TRIR: variants seen among roughly 807,000 people sequenced by gnomAD.
TRIR encodes telomerase RNA component interacting RNase.
Under a neutral mutation model 18.2 loss-of-function variants are expected in TRIR, and 5 were observed. The observed-to-expected ratio is 0.27, with a 90% CI of 0.14 to 0.58. The LOEUF is 0.58. TRIR is among the 20% of genes least tolerant of loss of function. TRIR has a pLI of 0.91. For missense variants in TRIR, 206 were observed against 252.8 expected (o/e 0.81, Z 1.25); for synonymous variants, 134 against 114.4 (o/e 1.17, Z -1.10).
Position 12,731,574 on chromosome 19 carries a change from G to T in TRIR, c.346-153C>A, listed in dbSNP as rs775543616. The T allele has an allele frequency of 1.0e-4, 80 of 773,968 alleles. No homozygotes were observed. The African/African-American group carries it at 1.3e-3, about 13-fold the overall frequency. 47.9% of individuals were successfully genotyped at this position (773,968 alleles called of 1,614,324 possible). A position where few individuals can be genotyped will look rare whatever the true frequency, so the allele number is the denominator to read the frequency against. On this transcript the variant is annotated intron_variant, in intron 1 of 2. Coordinates refer to ENST00000242784, the MANE Select transcript of TRIR (RefSeq NM_024038.4). This position sits in a 1 kb window ranked among gnomAD's most constrained non-coding sequence, Gnocchi z 5.1. ...CCGGCCGACCTGCGCAGCAATCAGAGAGGAGCACACGCGACTCAGCGCCTG... is the reference window on the plus strand; with the variant it reads ...CCGGCCGACCTGCGCAGCAATCAGATAGGAGCACACGCGACTCAGCGCCTG...
intron 1 of TRIR, among the ~76,000 whole-genome samples, chr19:12,732,129 AAAAAAAAAAAAAAAGAAAAG>A (rs1344962025): frequency 6.7e-6 from 1 of 150,374 alleles, no homozygotes; most frequent in African/African-American, 2.4e-5. Flanking sequence ...TGTCTCAAAA[AAAAAAAAAAAAAAAGAAAAG>A]AAAAAAAGAA....
chr19:12,731,077 A>G lies in TRIR; in HGVS notation c.424-9T>C. ...CCTTTACTTGTTAATACCTGTGGAA[A>G]GGGGATACGGGTTAGGACGGGGGTG... On this transcript the variant is annotated splice_polypyrimidine_tract_variant and intron_variant, in intron 2 of 2. Transcript: ENST00000242784. The surrounding 1 kb of genome is among the most constrained non-coding windows in gnomAD (Gnocchi z 5.1). 1 of 1,610,494 alleles carries G rather than the reference A, an allele frequency of 6.2e-7. No homozygotes were observed. Among genetic ancestry groups the G allele is most frequent in the Non-Finnish European group, 8.5e-7 (1 of 1,176,946 alleles).
intron 1 of TRIR, among the ~76,000 whole-genome samples, chr19:12,733,412 C>A (rs879523620): frequency 6.6e-6 from 1 of 152,138 alleles, no homozygotes; most frequent in African/African-American, 2.4e-5. Context: ...TTACTTAATC[C>A]AGAGTTTCTC....
chr19:12,730,923 C>T lies in TRIR; in HGVS notation c.*38G>A. On this transcript the variant is annotated 3_prime_UTR_variant, in exon 3 of 3. Transcript: ENST00000242784. ...CTGCATTAAATAGTTATGTACATCG[C>T]AGAGAGTCCCAGGCCATGGGCAGGT... is the stretch of plus-strand genomic sequence containing the variant. 6.4e-7 allele frequency: 1 copy of T among 1,561,352 alleles called. No individual in the cohort carries two copies. The highest frequency in any genetic ancestry group is 1.1e-5 in the South Asian group (1 of 90,026).
Position 12,731,124 on chromosome 19 carries a change from G to T in TRIR, c.424-56C>A. 2 of 1,447,692 alleles carry T rather than the reference G, an allele frequency of 1.4e-6. No individual in the cohort carries two copies. Among genetic ancestry groups the T allele is most frequent in the Non-Finnish European group, 1.9e-6 (2 of 1,029,184 alleles). The allele number at this position is 1,447,692 out of a possible 1,614,324, so 89.7% of individuals were successfully genotyped here. On this transcript the variant is annotated intron_variant, in intron 2 of 2. Transcript: ENST00000242784. This position sits in a 1 kb window ranked among gnomAD's most constrained non-coding sequence, Gnocchi z 5.1. ...GGTGCCAGGAACCAGGGTCAGGACT[G>T]CCCTGAGACAGGTGACCCATTCCCA...
intron 1 of TRIR, among the ~76,000 whole-genome samples, chr19:12,732,325 T>C (rs1967446480): frequency 6.6e-6 from 1 of 151,970 alleles, no homozygotes; most frequent in African/African-American, 2.4e-5. Flanking sequence ...TCTTTGAGGG[T>C]GCAGCCAAAA....
Position 12,734,677 on chromosome 19 carries a change from C to A in TRIR, c.-20G>T. On this transcript the variant is annotated 5_prime_UTR_variant, in exon 1 of 3. Coordinates refer to ENST00000242784, the MANE Select transcript of TRIR (RefSeq NM_024038.4). The surrounding 1 kb of genome is among the most constrained non-coding windows in gnomAD (Gnocchi z 4.1). ...AGCCATTTTGTCGCCAGGTGCCGCG[C>A]AAAGGACTCCGGGAAGGCCGCTCCG... is the stretch of plus-strand genomic sequence containing the variant. 1 of 1,486,862 alleles carries A rather than the reference C, an allele frequency of 6.7e-7. No homozygotes were observed. The highest frequency in any genetic ancestry group is 8.9e-7 in the Non-Finnish European group (1 of 1,127,722). The allele number at this position is 1,486,862 out of a possible 1,614,324, so 92.1% of individuals were successfully genotyped here.
chr19:12,730,984 TATC>T lies in TRIR; in HGVS notation c.505_507del (p.Asp169del). The T allele has an allele frequency of 6.2e-7, 1 of 1,614,070 alleles. No individual in the cohort carries two copies. Among genetic ancestry groups the T allele is most frequent in the Non-Finnish European group, 8.5e-7 (1 of 1,180,008 alleles). Reference sequence around the variant, plus strand: ...CGTCATTTCACCAGGGGCCGAGTTTTATCATCGTCACCGCACTGGTGAGCTTTG... The same window carrying T: ...CGTCATTTCACCAGGGGCCGAGTTTTATCGTCACCGCACTGGTGAGCTTTG... On this transcript the variant is annotated inframe_deletion, in exon 3 of 3. Coordinates refer to ENST00000242784, the MANE Select transcript of TRIR (RefSeq NM_024038.4).
chr19:12,731,546 C>A lies in TRIR; in HGVS notation c.346-125G>T. 1 of 1,024,562 alleles carries A rather than the reference C, an allele frequency of 9.8e-7. No homozygotes were observed. The highest frequency in any genetic ancestry group is 1.6e-5 in the South Asian group (1 of 63,190). The allele number at this position is 1,024,562 out of a possible 1,614,324, so 63.5% of individuals were successfully genotyped here. A position where few individuals can be genotyped will look rare whatever the true frequency, so the allele number is the denominator to read the frequency against. Reference sequence around the variant, plus strand: ...GTCCTGACGCCGCGCCCAGCTCCGCCAGCCGGCCGACCTGCGCAGCAATCA... The same window carrying A: ...GTCCTGACGCCGCGCCCAGCTCCGCAAGCCGGCCGACCTGCGCAGCAATCA... On this transcript the variant is annotated intron_variant, in intron 1 of 2. Coordinates refer to ENST00000242784, the MANE Select transcript of TRIR (RefSeq NM_024038.4). This position sits in a 1 kb window ranked among gnomAD's most constrained non-coding sequence, Gnocchi z 5.1.
rs1265342431 is a variant in TRIR, at chr19:12,731,167, C to G, written c.424-99G>C. 6.1e-6 allele frequency: 8 copies of G among 1,311,188 alleles called. No individual in the cohort carries two copies. In the South Asian group the frequency reaches 7.1e-5, roughly 12 times the overall value. The allele number at this position is 1,311,188 out of a possible 1,614,324, so 81.2% of individuals were successfully genotyped here. On this transcript the variant is annotated intron_variant, in intron 2 of 2. Transcript: ENST00000242784. The surrounding 1 kb of genome is among the most constrained non-coding windows in gnomAD (Gnocchi z 5.1). The stretch of plus-strand genomic sequence containing the variant: ...CATTCCCAGTGTCACCCAGAAGACT[C>G]TGGGTTTGAGCTGAAGATTATAAAG...
At position 12,730,642 on chromosome 19, in the gene TRIR, C is replaced by T. The variant is rs763104425; in HGVS notation, c.*319G>A. On this transcript the variant is annotated 3_prime_UTR_variant, in exon 3 of 3. Coordinates refer to ENST00000242784, the MANE Select transcript of TRIR (RefSeq NM_024038.4). ...AGAAGACAAACCAAGCACACAGCTC[C>T]GGCACTAAGTCAAGTTCTTTACTTC... is the stretch of plus-strand genomic sequence containing the variant. 10 of 403,286 alleles carry T rather than the reference C, an allele frequency of 2.5e-5. No individual in the cohort carries two copies. Among genetic ancestry groups the T allele is most frequent in the East Asian group, 5.3e-5 (1 of 18,864 alleles). 25.0% of individuals were successfully genotyped at this position (403,286 alleles called of 1,614,324 possible).
rs963406662 is a variant in TRIR, at chr19:12,734,620, C to T, written c.38G>A (p.Arg13Gln). Residue 13 changes from arginine to glutamine, a missense_variant, in exon 1 of 3, where the codon CGG (arginine) becomes CAG (glutamine). Around this residue, in one of 2 missense-constraint regions of TRIR, gnomAD observed 172 missense variants for 165.0 expected, o/e 1.04. Coordinates refer to ENST00000242784, the MANE Select transcript of TRIR (RefSeq NM_024038.4). This position sits in a 1 kb window ranked among gnomAD's most constrained non-coding sequence, Gnocchi z 4.1. The part of the protein sequence containing the change: ...ARGRRAEPQG[R>Q]EAPGPAGGGG... ...ACCGCCCGCGGGGCCCGGAGCCTCC[C>T]GGCCCTGAGGCTCCGCCCGTCTCCC... is the stretch of plus-strand genomic sequence containing the variant. 1.3e-6 allele frequency: 2 copies of T among 1,515,794 alleles called. No individual in the cohort carries two copies. Among genetic ancestry groups the T allele is most frequent in the East Asian group, 2.7e-5 (1 of 37,652 alleles). 93.9% of individuals were successfully genotyped at this position (1,515,794 alleles called of 1,614,324 possible).
At chr19:12,732,090 C>T (rs1967439744) in intron 1 of TRIR, among the ~76,000 whole-genome samples, 1 of 143,680 alleles carries the variant, frequency 7.0e-6, no homozygotes, top group South Asian at 2.2e-4. Context: ...CACCATTGCA[C>T]TCCAGCCTGG....
rs1053647477 is a variant in TRIR at position 12,734,683 on chromosome 19, A to G, written c.-26T>C. ...TTTGTCGCCAGGTGCCGCGCAAAGG[A>G]CTCCGGGAAGGCCGCTCCGGCCCCG... On this transcript the variant is annotated 5_prime_UTR_variant, in exon 1 of 3. Transcript: ENST00000242784. This position sits in a 1 kb window ranked among gnomAD's most constrained non-coding sequence, Gnocchi z 4.1. 2 of 1,470,486 alleles carry G rather than the reference A, an allele frequency of 1.4e-6. No individual in the cohort carries two copies. The highest frequency in any genetic ancestry group is 2.5e-5 in the Admixed American group (1 of 40,760). The allele number at this position is 1,470,486 out of a possible 1,614,324, so 91.1% of individuals were successfully genotyped here.
rs1967489064 is a variant in TRIR at position 12,734,256 on chromosome 19, C to T, written c.345+57G>A. On this transcript the variant is annotated intron_variant, in intron 1 of 2. Coordinates refer to ENST00000242784, the MANE Select transcript of TRIR (RefSeq NM_024038.4). The surrounding 1 kb of genome is among the most constrained non-coding windows in gnomAD (Gnocchi z 4.1). ...GGTCCCGATCCCCCTTCACGGGCCC[C>T]GACTCCCGCTGCCAAGACAGGCCGT... 3 of 1,366,562 alleles carry T rather than the reference C, an allele frequency of 2.2e-6. No homozygotes were observed. In the South Asian group the frequency reaches 4.9e-5, roughly 22 times the overall value. 84.7% of individuals were successfully genotyped at this position (1,366,562 alleles called of 1,614,324 possible). A position where few individuals can be genotyped will look rare whatever the true frequency, so the allele number is the denominator to read the frequency against.
At position 12,731,433 on chromosome 19, in the gene TRIR, G is replaced by C; in HGVS notation, c.346-12C>G. On this transcript the variant is annotated splice_polypyrimidine_tract_variant and intron_variant, in intron 1 of 2. Coordinates refer to ENST00000242784, the MANE Select transcript of TRIR (RefSeq NM_024038.4). The surrounding 1 kb of genome is among the most constrained non-coding windows in gnomAD (Gnocchi z 5.1). ...CTGCGTTTGCCCACCTGGGTGAAGGGACAGAAGACTGCAACGGTTACAGGA... is the reference window on the plus strand; with the variant it reads ...CTGCGTTTGCCCACCTGGGTGAAGGCACAGAAGACTGCAACGGTTACAGGA... 2 of 1,611,010 alleles carry C rather than the reference G, an allele frequency of 1.2e-6. No individual in the cohort carries two copies. The highest frequency in any genetic ancestry group is 1.7e-6 in the Non-Finnish European group (2 of 1,178,284).
At chr19:12,732,396 G>A (rs1411895940) in intron 1 of TRIR, among the ~76,000 whole-genome samples, 3 of 151,980 alleles carry the variant, frequency 2.0e-5, no homozygotes, top group Non-Finnish European at 2.9e-5. Context: ...ATTCATGAAG[G>A]GACTCCACTC....
chr19:12,732,256 G>A (rs1031412051), intron 1 of TRIR, among the ~76,000 whole-genome samples: 1 of 152,102 alleles, frequency 6.6e-6, no homozygotes, highest in Admixed American at 6.6e-5. Flanking sequence ...CGAAGCCTCT[G>A]GACAGCATCC....
At position 12,734,676 on chromosome 19, in the gene TRIR, G is replaced by T; in HGVS notation, c.-19C>A. The T allele has an allele frequency of 6.7e-7, 1 of 1,488,418 alleles. No homozygotes were observed. Among genetic ancestry groups the T allele is most frequent in the South Asian group, 1.3e-5 (1 of 77,658 alleles). 92.2% of individuals were successfully genotyped at this position (1,488,418 alleles called of 1,614,324 possible). On this transcript the variant is annotated 5_prime_UTR_variant, in exon 1 of 3. Coordinates refer to ENST00000242784, the MANE Select transcript of TRIR (RefSeq NM_024038.4). The surrounding 1 kb of genome is among the most constrained non-coding windows in gnomAD (Gnocchi z 4.1). ...CAGCCATTTTGTCGCCAGGTGCCGC[G>T]CAAAGGACTCCGGGAAGGCCGCTCC... is the stretch of plus-strand genomic sequence containing the variant.
Sources: gnomAD v4.1 joint callset for allele counts (sites outside exome capture counted in the v4.1 genomes callset) on GRCh38, gnomAD v4.1.1 for gene constraint, gnomAD v4.1.1 regional missense constraint, Gnocchi (gnomAD v3.1) non-coding constraint, MANE v1.5 for transcripts, NCBI Gene and HGNC (gene_info 2026-07-23, HGNC 2026-07-21) for gene names.